DMD: variants seen among roughly 807,000 people sequenced by gnomAD.
DMD encodes mutant dystrophin.
In DMD, 63 loss-of-function variants were observed where a neutral mutation model predicts 330.1. The ratio of observed to expected loss-of-function variants is 0.19; its 90% CI spans 0.16 to 0.24. The LOEUF (loss-of-function observed/expected upper bound fraction) is 0.24. Ranked by LOEUF, DMD falls within the 10% of genes least tolerant of loss-of-function variation. The pLI is 1.00. For synonymous variants in DMD, 1,223 were observed against 959.8 expected (o/e 1.27, Z -5.07); for missense variants, 3,344 against 2,684.1 (o/e 1.25, Z -5.43).
At position 32,960,562 on chromosome X, in the gene DMD, T is replaced by G. The variant is rs1248267752; in HGVS notation, c.93+59577A>C. Among the ~76,000 whole-genome samples, 122 of 111,696 alleles carry G rather than the reference T, an allele frequency of 1.1e-3. 2 individuals are homozygous for G. The Admixed American group carries it at 0.012, about 11-fold the overall frequency. ...AGGTTTCCCAGGGAACAATCCCACCTTTCCACTTTTTGTAATTTGTTACTT... is the reference window on the plus strand; with the variant it reads ...AGGTTTCCCAGGGAACAATCCCACCGTTCCACTTTTTGTAATTTGTTACTT... On this transcript the variant is annotated intron_variant, in intron 2 of 78. Coordinates refer to ENST00000357033, the MANE Select transcript of DMD (RefSeq NM_004006.3).
intron 17 of DMD, among the ~76,000 whole-genome samples, chrX:32,532,946 G>A (rs2047617961): frequency 8.9e-6 from 1 of 112,077 alleles, no homozygotes; most frequent in South Asian, 3.7e-4. Context: ...ATCTAATTTG[G>A]TAAATAAAAT....
intron 9 of DMD, among the ~76,000 whole-genome samples, chrX:32,689,047 A>C (rs1017727888): frequency 1.8e-5 from 2 of 111,405 alleles, no homozygotes; most frequent in African/African-American, 6.5e-5. Flanking sequence ...CAGAAATAAT[A>C]AATGTAAATT....
intron 55 of DMD, among the ~76,000 whole-genome samples, chrX:31,594,738 G>A (rs2077035072): frequency 9.0e-6 from 1 of 110,582 alleles, no homozygotes; most frequent in Non-Finnish European, 1.9e-5. Flanking sequence ...ACAAAATTGG[G>A]TGTGGAGTAG....
intron 7 of DMD, among the ~76,000 whole-genome samples, chrX:32,777,601 A>T (rs777221126): frequency 9.0e-6 from 1 of 111,408 alleles, no homozygotes; most frequent in Non-Finnish European, 1.9e-5. Context: ...CAGTTTTCCA[A>T]AAGAAATCGG....
At chrX:33,101,524 G>C (rs1297553481) in intron 1 of DMD, among the ~76,000 whole-genome samples, 1 of 111,961 alleles carries the variant, frequency 8.9e-6, no homozygotes, top group Non-Finnish European at 1.9e-5. Context: ...CCAGCTACTT[G>C]GGAAGCTAAG....
chrX:32,318,142 T>C (rs1873156600), intron 41 of DMD, among the ~76,000 whole-genome samples: 1 of 111,510 alleles, frequency 9.0e-6, no homozygotes, highest in Non-Finnish European at 1.9e-5. Context: ...AGTAGCTCTG[T>C]CTCTTAGCCC....
At chrX:33,138,817 G>A (rs150826401) in intron 1 of DMD, among the ~76,000 whole-genome samples, 3 of 110,993 alleles carry the variant, frequency 2.7e-5, no homozygotes, top group Non-Finnish European at 5.7e-5. Flanking sequence ...GGCTTCTGGC[G>A]TGGGTTTGTT....
chrX:32,174,000 T>C (rs1243002925), intron 44 of DMD, among the ~76,000 whole-genome samples: 1 of 112,332 alleles, frequency 8.9e-6, no homozygotes, highest in African/African-American at 3.2e-5. Flanking sequence ...TGTTAATTGT[T>C]ATAGAAAGAG....
At chrX:32,208,526 A>G (rs756082861) in intron 44 of DMD, among the ~76,000 whole-genome samples, 14 of 111,565 alleles carry the variant, frequency 1.3e-4, no homozygotes, top group African/African-American at 4.6e-4. Flanking sequence ...AAGTCAGACT[A>G]GGTATCCCAG....
At chrX:32,799,463 A>C (rs1196616683) in intron 7 of DMD, among the ~76,000 whole-genome samples, 1 of 111,616 alleles carries the variant, frequency 9.0e-6, no homozygotes, top group Non-Finnish European at 1.9e-5. Context: ...TTCTACACTA[A>C]TATTCAAAAG....
chrX:32,060,738 G>A (rs2096217565), intron 44 of DMD, among the ~76,000 whole-genome samples: 1 of 111,622 alleles, frequency 9.0e-6, no homozygotes, highest in South Asian at 3.7e-4. Context: ...GACAAATAAT[G>A]TAAGGAAGGA....
chrX:33,216,099 T>C (rs2052048526), upstream of DMD, among the ~76,000 whole-genome samples: 1 of 112,285 alleles, frequency 8.9e-6, no homozygotes, highest in Admixed American at 9.4e-5. Context: ...TAGCACTGAA[T>C]CTGTAAATTG....
intron 44 of DMD, among the ~76,000 whole-genome samples, chrX:32,114,779 C>A (rs1165301986): frequency 1.8e-5 from 2 of 112,543 alleles, no homozygotes; most frequent in Non-Finnish European, 3.7e-5. Context: ...ATGGATACAA[C>A]ATAGTAGATA....
intron 4 of DMD, among the ~76,000 whole-genome samples, chrX:32,834,053 C>A: frequency 9.0e-6 from 1 of 111,171 alleles, no homozygotes; most frequent in African/African-American, 3.2e-5. Flanking sequence ...TTTGTATCTT[C>A]CATAACAAGT....
intron 56 of DMD, among the ~76,000 whole-genome samples, chrX:31,497,667 A>G (rs1036080119): frequency 8.9e-6 from 1 of 112,370 alleles, no homozygotes; most frequent in South Asian, 3.6e-4. Context: ...AGAACACGTT[A>G]ATCCTTAGAA....
chrX:32,703,651 A>T (rs1486477687), intron 7 of DMD, among the ~76,000 whole-genome samples: 1 of 111,524 alleles, frequency 9.0e-6, no homozygotes, highest in Admixed American at 9.6e-5. Flanking sequence ...ATTTATGATG[A>T]CTGCACTAAG....
At chrX:32,179,304 G>T (rs1000346299) in intron 44 of DMD, among the ~76,000 whole-genome samples, 1 of 111,252 alleles carries the variant, frequency 9.0e-6, no homozygotes, top group African/African-American at 3.3e-5. Flanking sequence ...CTTTAGTAAC[G>T]AAAACAAGAG....
chrX:32,833,543 A>T (rs1453825230), intron 4 of DMD, among the ~76,000 whole-genome samples: 2 of 109,751 alleles, frequency 1.8e-5, no homozygotes, highest in African/African-American at 6.6e-5. Context: ...TTTAGTATGA[A>T]AGATATATAT....
intron 7 of DMD, among the ~76,000 whole-genome samples, chrX:32,724,278 G>A (rs970444231): frequency 4.5e-5 from 5 of 111,305 alleles, no homozygotes; most frequent in African/African-American, 1.6e-4. Context: ...GAATAAAATA[G>A]GTGAAGTGAA....
Sources: gnomAD v4.1 joint callset for allele counts (sites outside exome capture counted in the v4.1 genomes callset) on GRCh38, gnomAD v4.1.1 for gene constraint, MANE v1.5 for transcripts, NCBI Gene and HGNC (gene_info 2026-07-23, HGNC 2026-07-21) for gene names.